Variants in SEMA3A observed in about 807,000 individuals in gnomAD.
SEMA3A encodes the protein semaphorin-3A.
In SEMA3A, 29 loss-of-function variants were observed where a neutral mutation model predicts 97.9. The ratio of observed to expected loss-of-function variants is 0.30; its 90% CI spans 0.22 to 0.40. The LOEUF (loss-of-function observed/expected upper bound fraction) is 0.40. Ranked by LOEUF, SEMA3A falls within the 10% of genes least tolerant of loss-of-function variation. The pLI is 1.00. For synonymous variants in SEMA3A, 321 were observed against 323.7 expected (o/e 0.99, Z 0.09); for missense variants, 763 against 951.3 (o/e 0.80, Z 2.60).
rs999816139 is a variant in SEMA3A, at chr7:83,961,273, A to G, written c.*98T>C. 2 of 936,670 alleles carry G rather than the reference A, an allele frequency of 2.1e-6. No individual in the cohort carries two copies. Among genetic ancestry groups the G allele is most frequent in the Non-Finnish European group, 3.4e-6 (2 of 586,326 alleles). 58.0% of individuals were successfully genotyped at this position (936,670 alleles called of 1,614,324 possible). ...ATTTCCCACCATTGTAAACATCCAC[A>G]TAATGCCATGAAAAAAGTTCATGTA... On this transcript the variant is annotated 3_prime_UTR_variant, in exon 17 of 17. Coordinates refer to ENST00000265362, the MANE Select transcript of SEMA3A (RefSeq NM_006080.3).
chr7:83,966,070 A>G (rs945801663), intron 15 of SEMA3A, among the ~76,000 whole-genome samples: 4 of 151,960 alleles, frequency 2.6e-5, no homozygotes, highest in African/African-American at 4.8e-5. Flanking sequence ...ATTTTCTGGT[A>G]ATCTTTCTTG....
chr7:84,166,881 CAAAAAA>C (rs11476617), intron 1 of SEMA3A, among the ~76,000 whole-genome samples: 1 of 85,530 alleles, frequency 1.2e-5, no homozygotes. Context: ...TCCTCTGTCT[CAAAAAA>C]AAAAAAAAAA....
intron 3 of SEMA3A, among the ~76,000 whole-genome samples, chr7:84,302,580 T>C (rs1186824186): frequency 6.6e-6 from 1 of 152,188 alleles, no homozygotes; most frequent in Non-Finnish European, 1.5e-5. Flanking sequence ...TAAAAATTAC[T>C]CAATCTTTCT....
At chr7:84,341,352 T>C (rs1001704543) in intron 2 of SEMA3A, among the ~76,000 whole-genome samples, 5 of 152,190 alleles carry the variant, frequency 3.3e-5, no homozygotes, top group African/African-American at 1.2e-4. Context: ...GTTTGTTTTA[T>C]CAATCTTCAA....
chr7:84,476,915 GAT>G (rs892994518), intron 1 of SEMA3A, among the ~76,000 whole-genome samples: 2 of 151,420 alleles, frequency 1.3e-5, no homozygotes, highest in African/African-American at 4.8e-5. Context: ...AAAATAATAA[GAT>G]AACATTTTGA....
chr7:84,032,756 T>C (rs1791807054), intron 6 of SEMA3A, among the ~76,000 whole-genome samples: 1 of 151,754 alleles, frequency 6.6e-6, no homozygotes, highest in Non-Finnish European at 1.5e-5. Flanking sequence ...AAATAAATAA[T>C]AATTATTTAT....
At chr7:84,418,055 A>T (rs1450922140) in intron 1 of SEMA3A, among the ~76,000 whole-genome samples, 2 of 152,140 alleles carry the variant, frequency 1.3e-5, no homozygotes, top group Non-Finnish European at 2.9e-5. Flanking sequence ...AGGGATGCCT[A>T]GGTGGCTGGT....
At chr7:84,394,263 A>C (rs182133628) in intron 1 of SEMA3A, among the ~76,000 whole-genome samples, 45 of 152,206 alleles carry the variant, frequency 3.0e-4, no homozygotes, top group African/African-American at 1.0e-3. Flanking sequence ...TATAGTGAAA[A>C]TTTGTTACTT....
chr7:84,077,182 G>A (rs1793983599), intron 4 of SEMA3A, among the ~76,000 whole-genome samples: 1 of 151,992 alleles, frequency 6.6e-6, no homozygotes, highest in African/African-American at 2.4e-5. Flanking sequence ...AGCTGAGTCA[G>A]AAAGCAAATC....
intron 1 of SEMA3A, among the ~76,000 whole-genome samples, chr7:84,150,987 C>CCT (rs1424910672): frequency 6.7e-6 from 1 of 148,556 alleles, no homozygotes; most frequent in Non-Finnish European, 1.5e-5. Flanking sequence ...CACACTGACA[C>CCT]CTCACACTGC....
At chr7:84,056,089 T>A (rs1792962203) in intron 5 of SEMA3A, among the ~76,000 whole-genome samples, 1 of 152,092 alleles carries the variant, frequency 6.6e-6, no homozygotes, top group African/African-American at 2.4e-5. Flanking sequence ...AAGACAAATT[T>A]GTGCTGACAT....
chr7:84,023,713 T>C (rs1791419053), intron 6 of SEMA3A, among the ~76,000 whole-genome samples: 1 of 152,066 alleles, frequency 6.6e-6, no homozygotes, highest in Non-Finnish European at 1.5e-5. Flanking sequence ...AAAACAAGGC[T>C]TTAAAATGTA....
chr7:84,221,233 C>G (rs1313789836), intron 3 of SEMA3A, among the ~76,000 whole-genome samples: 3 of 152,118 alleles, frequency 2.0e-5, no homozygotes, highest in Admixed American at 1.3e-4. Flanking sequence ...TCAGCCTTCA[C>G]AGAATTGGAG....
At chr7:84,389,040 C>T (rs1315894994) in intron 1 of SEMA3A, among the ~76,000 whole-genome samples, 1 of 151,856 alleles carries the variant, frequency 6.6e-6, no homozygotes, top group Non-Finnish European at 1.5e-5. Flanking sequence ...AAAAAGGAGA[C>T]CTTATGAGGG....
At chr7:84,399,627 C>T (rs1459066477) in intron 1 of SEMA3A, among the ~76,000 whole-genome samples, 2 of 152,176 alleles carry the variant, frequency 1.3e-5, no homozygotes, top group East Asian at 3.9e-4. Context: ...CCCCTAGTTC[C>T]AGGTCATTAT....
At chr7:84,158,248 A>C (rs1796913987) in intron 1 of SEMA3A, among the ~76,000 whole-genome samples, 1 of 130,334 alleles carries the variant, frequency 7.7e-6, no homozygotes, top group Non-Finnish European at 1.5e-5. Context: ...TCCGCCTCCC[A>C]GGTTCAAGTG....
At chr7:84,001,814 G>C (rs1039195409) in intron 12 of SEMA3A, 141 bp downstream of exon 12, 24 of 453,932 alleles carry the variant, frequency 5.3e-5, no homozygotes, top group Non-Finnish European at 9.4e-5. Context: ...ATTTTGACTA[G>C]TGTCTGGCTT....
chr7:84,395,532 C>A (rs1803706509), intron 1 of SEMA3A, among the ~76,000 whole-genome samples: 1 of 151,998 alleles, frequency 6.6e-6, no homozygotes, highest in Non-Finnish European at 1.5e-5. Flanking sequence ...CCAAATCTCA[C>A]CTTGAATTGA....
intron 2 of SEMA3A, among the ~76,000 whole-genome samples, chr7:84,366,155 T>C (rs1173929407): frequency 1.3e-5 from 2 of 151,314 alleles, no homozygotes; most frequent in African/African-American, 4.8e-5. Flanking sequence ...GACCTCCTTC[T>C]CCATTAATTT....
Sources: allele counts gnomAD v4.1 joint callset (sites outside exome capture counted in the v4.1 genomes callset), GRCh38; gene constraint gnomAD v4.1.1; transcripts MANE v1.5; gene names NCBI Gene and HGNC (gene_info 2026-07-23, HGNC 2026-07-21).